MLLT3: variants seen among roughly 807,000 people sequenced by gnomAD.
The protein encoded by MLLT3 is protein AF-9.
MLLT3 carries 4 observed loss-of-function variants against 53.2 expected under a neutral mutation model. That is an observed-to-expected ratio of 0.08 (90% CI 0.04 to 0.17). MLLT3 has a LOEUF of 0.17. Ranked by LOEUF, MLLT3 falls within the 10% of genes least tolerant of loss-of-function variation. The pLI is 1.00. For synonymous variants in MLLT3, 283 were observed against 230.6 expected (o/e 1.23, Z -2.06); for missense variants, 569 against 684.0 (o/e 0.83, Z 1.87).
chr9:20,563,054 T>C (rs1819256026), intron 2 of MLLT3, among the ~76,000 whole-genome samples: 1 of 152,128 alleles, frequency 6.6e-6, no homozygotes, highest in African/African-American at 2.4e-5. Context: ...AACCTGGAGC[T>C]AAGAGCTAAG....
intron 2 of MLLT3, among the ~76,000 whole-genome samples, chr9:20,582,627 A>G (rs1159905147): frequency 6.6e-6 from 1 of 152,222 alleles, no homozygotes; most frequent in Non-Finnish European, 1.5e-5. Context: ...TTACAGTTCC[A>G]TATGGCTGCG....
rs533765660 is a variant in MLLT3, at chr9:20,617,558, C to T, written c.193+3096G>A. ...ATTCACATCATACTAAAAACAAAAA[C>T]ATTAATATTTTAAAAGAAATGTTTT... On this transcript the variant is annotated intron_variant, in intron 2 of 10. Coordinates refer to ENST00000380338, the MANE Select transcript of MLLT3 (RefSeq NM_004529.4). 2.0e-5 allele frequency among the ~76,000 whole-genome samples: 3 copies of T among 152,234 alleles called. No individual in the cohort carries two copies. The South Asian group carries it at 6.2e-4, about 32-fold the overall frequency.
chr9:20,431,323 C>G (rs1172816497), intron 4 of MLLT3, among the ~76,000 whole-genome samples: 1 of 152,058 alleles, frequency 6.6e-6, no homozygotes, highest in Non-Finnish European at 1.5e-5. Flanking sequence ...ATCTCTGCAG[C>G]TGGGCCCAGG....
chr9:20,542,322 C>T (rs914306185), intron 2 of MLLT3, among the ~76,000 whole-genome samples: 2 of 149,956 alleles, frequency 1.3e-5, no homozygotes, highest in Non-Finnish European at 1.5e-5. Context: ...GCAATCTCGG[C>T]TCACTGAAAG....
At chr9:20,361,619 A>C (rs1162448429) in intron 7 of MLLT3, among the ~76,000 whole-genome samples, 1 of 152,210 alleles carries the variant, frequency 6.6e-6, no homozygotes, top group African/African-American at 2.4e-5. Flanking sequence ...GGAAAACTAC[A>C]ATGATATATT....
In MLLT3 at chr9:20,462,539, AC is replaced by A. The variant is rs201957641; in HGVS notation, c.194-5754del. Among the ~76,000 whole-genome samples, 428 of 152,292 alleles carry A rather than the reference AC, an allele frequency of 2.8e-3. 6 individuals carry two copies. The highest frequency in any genetic ancestry group is 0.025 in the Admixed American group (381 of 15,278). Reference sequence around the variant, plus strand: ...GATACAGTTAGCGGAGAAGATGCAGACCACCTGTCCACCTCCTCTGGACTCA... The same window carrying A: ...GATACAGTTAGCGGAGAAGATGCAGACACCTGTCCACCTCCTCTGGACTCA... On this transcript the variant is annotated intron_variant, in intron 2 of 10. Transcript: ENST00000380338.
At position 20,621,110 on chromosome 9, in the gene MLLT3, C is replaced by T. The variant is rs1820992455; in HGVS notation, c.13-276G>A. ...TGTTATCCCCAGTCGGGAAGGGGGT[C>T]GGGGAAAAGAGGGAGAACACACTCA... On this transcript the variant is annotated intron_variant, in intron 1 of 10. Transcript: ENST00000380338. This position sits in a 1 kb window ranked among gnomAD's most constrained non-coding sequence, Gnocchi z 7.0. The T allele has an allele frequency of 5.2e-6, 3 of 579,132 alleles. No individual in the cohort carries two copies. The highest frequency in any genetic ancestry group is 9.4e-6 in the Non-Finnish European group (3 of 320,492). The allele number at this position is 579,132 out of a possible 1,614,324, so 35.9% of individuals were successfully genotyped here. A position where few individuals can be genotyped will look rare whatever the true frequency, so the allele number is the denominator to read the frequency against.
chr9:20,429,818 C>T (rs1382698351), intron 4 of MLLT3, among the ~76,000 whole-genome samples: 1 of 152,088 alleles, frequency 6.6e-6, no homozygotes, highest in Non-Finnish European at 1.5e-5. Context: ...AGAGTAGCTA[C>T]CAAAGTCCCA....
chr9:20,466,712 T>C (rs965183859), intron 2 of MLLT3, among the ~76,000 whole-genome samples: 3 of 152,230 alleles, frequency 2.0e-5, no homozygotes, highest in Non-Finnish European at 2.9e-5. Flanking sequence ...TCTCATGGTC[T>C]CTGAATTGCA....
intron 2 of MLLT3, among the ~76,000 whole-genome samples, chr9:20,487,563 TC>T (rs1268443987): frequency 6.6e-6 from 1 of 152,134 alleles, no homozygotes; most frequent in Non-Finnish European, 1.5e-5. Context: ...TTCATCACTT[TC>T]TTACAACAAG....
intron 2 of MLLT3, among the ~76,000 whole-genome samples, chr9:20,597,302 G>T (rs1203875089): frequency 6.6e-6 from 1 of 151,060 alleles, no homozygotes; most frequent in Admixed American, 6.6e-5. Flanking sequence ...CCTTACAAAG[G>T]TGTCTTACTA....
At chr9:20,460,202 C>T (rs1238898912) in intron 2 of MLLT3, among the ~76,000 whole-genome samples, 1 of 152,208 alleles carries the variant, frequency 6.6e-6, no homozygotes, top group Non-Finnish European at 1.5e-5. Context: ...TCTTCTCTCA[C>T]TGCATCAAGT....
intron 4 of MLLT3, among the ~76,000 whole-genome samples, chr9:20,423,957 G>A (rs764926998): frequency 1.8e-4 from 28 of 151,876 alleles, no homozygotes; most frequent in Non-Finnish European, 3.4e-4. Context: ...ATATTTGGGG[G>A]AAAACTCAAA....
intron 2 of MLLT3, among the ~76,000 whole-genome samples, chr9:20,497,413 T>C (rs1346137223): frequency 6.6e-6 from 1 of 152,158 alleles, no homozygotes. Context: ...CCTAAAAGTT[T>C]TCCCCGACCT....
chr9:20,423,758 G>C (rs900439088), intron 4 of MLLT3, among the ~76,000 whole-genome samples: 3 of 151,752 alleles, frequency 2.0e-5, no homozygotes, highest in African/African-American at 7.3e-5. Flanking sequence ...ACCAGCCTGG[G>C]CAATATAGTG....
chr9:20,456,503 T>G (rs1187734292), intron 3 of MLLT3, among the ~76,000 whole-genome samples: 1 of 152,224 alleles, frequency 6.6e-6, no homozygotes, highest in Admixed American at 6.5e-5. Context: ...ATAATCTGAC[T>G]TCATATAATT....
intron 6 of MLLT3, among the ~76,000 whole-genome samples, chr9:20,364,453 C>G (rs947012367): frequency 6.6e-6 from 1 of 152,166 alleles, no homozygotes. Flanking sequence ...TTAATCTTAA[C>G]AGAAGAGGTT....
intron 2 of MLLT3, among the ~76,000 whole-genome samples, chr9:20,546,058 AAGATTG>A (rs1469493100): frequency 3.9e-5 from 6 of 152,056 alleles, no homozygotes; most frequent in African/African-American, 1.4e-4. Context: ...TGAAAGGGAC[AAGATTG>A]AGATTATTTT....
chr9:20,504,101 T>C (rs766678306), intron 2 of MLLT3, among the ~76,000 whole-genome samples: 1 of 152,130 alleles, frequency 6.6e-6, no homozygotes. Flanking sequence ...CTGTATACTG[T>C]TGGTGGGAAT....
Sources: allele counts gnomAD v4.1 joint callset (sites outside exome capture counted in the v4.1 genomes callset), GRCh38; gene constraint gnomAD v4.1.1; non-coding constraint Gnocchi (gnomAD v3.1); transcripts MANE v1.5; gene names NCBI Gene and HGNC (gene_info 2026-07-23, HGNC 2026-07-21).